The following NDUFAF2 variants were observed in gnomAD, a reference collection of about 807,000 sequenced individuals.
NDUFAF2 encodes NADH dehydrogenase [ubiquinone] 1 alpha subcomplex assembly factor 2.
NDUFAF2 carries 13 observed loss-of-function variants against 22.8 expected under a neutral mutation model. The ratio of observed to expected loss-of-function variants is 0.57; its 90% CI spans 0.37 to 0.91. NDUFAF2 has a LOEUF of 0.91. Ranked by LOEUF, NDUFAF2 falls within the 40% of genes least tolerant of loss-of-function variation. NDUFAF2 has a pLI of 0.01. For synonymous variants in NDUFAF2, 53 were observed against 64.2 expected, an observed-to-expected ratio of 0.83 and a Z score of 0.84; for missense variants, 162 against 195.2, an observed-to-expected ratio of 0.83 and a Z score of 1.01.
chr5:61,033,742 C>T (rs979882353), intron 1 of NDUFAF2, among the ~76,000 whole-genome samples: 2 of 151,650 alleles, frequency 1.3e-5, no homozygotes, highest in African/African-American at 4.8e-5. Context: ...TTTAGAAGTC[C>T]GAACAGGGAT....
At chr5:61,024,996 ACGTC>A (rs1321597943) in intron 1 of NDUFAF2, among the ~76,000 whole-genome samples, 5 of 151,892 alleles carry the variant, frequency 3.3e-5, no homozygotes, top group African/African-American at 7.2e-5. Flanking sequence ...TAACTCCTAT[ACGTC>A]CTTAGAAACT....
At chr5:61,032,165 A>G (rs573102396) in intron 1 of NDUFAF2, among the ~76,000 whole-genome samples, 2 of 152,052 alleles carry the variant, frequency 1.3e-5, no homozygotes, top group Non-Finnish European at 2.9e-5. Flanking sequence ...ATTTTCTCCC[A>G]TTCTGTAGGT....
chr5:61,090,514 A>C (rs890697785), intron 2 of NDUFAF2, among the ~76,000 whole-genome samples: 6 of 152,034 alleles, frequency 3.9e-5, no homozygotes, highest in African/African-American at 7.2e-5. Context: ...CTTTGCTGAC[A>C]CCTGTCCTAG....
chr5:61,010,397 C>T (rs866824730), intron 1 of NDUFAF2, among the ~76,000 whole-genome samples: 4 of 152,086 alleles, frequency 2.6e-5, no homozygotes, highest in South Asian at 2.1e-4. Context: ...TTCTTCAATT[C>T]GTTTTCTGTG....
intron 1 of NDUFAF2, among the ~76,000 whole-genome samples, chr5:60,987,009 A>G (rs1363895833): frequency 6.6e-6 from 1 of 151,890 alleles, no homozygotes; most frequent in Non-Finnish European, 1.5e-5. Flanking sequence ...GTTTTTTTGA[A>G]AGAATTAATA....
intron 1 of NDUFAF2, among the ~76,000 whole-genome samples, chr5:60,966,740 A>T (rs1223725886): frequency 6.6e-6 from 1 of 152,078 alleles, no homozygotes; most frequent in African/African-American, 2.4e-5. Context: ...TTGTTTAGCT[A>T]CTTTAGCCTT....
At chr5:61,059,513 G>A (rs1403855735) in intron 1 of NDUFAF2, among the ~76,000 whole-genome samples, 2 of 152,034 alleles carry the variant, frequency 1.3e-5, no homozygotes, top group Admixed American at 6.6e-5. Context: ...ATAGGAAATA[G>A]GTTACTTGGA....
chr5:61,120,518 T>A (rs1489776803), intron 3 of NDUFAF2, among the ~76,000 whole-genome samples: 2 of 152,164 alleles, frequency 1.3e-5, no homozygotes, highest in Admixed American at 1.3e-4. Flanking sequence ...GGTCTGAGTT[T>A]AAGCTTATTC....
At chr5:61,121,479 T>C (rs1449066217) in intron 3 of NDUFAF2, among the ~76,000 whole-genome samples, 2 of 151,998 alleles carry the variant, frequency 1.3e-5, no homozygotes, top group Admixed American at 1.3e-4. Context: ...TTACTGGGAG[T>C]ACTTATTGCT....
intron 3 of NDUFAF2, among the ~76,000 whole-genome samples, chr5:61,139,659 A>G (rs1379130933): frequency 6.6e-6 from 1 of 152,250 alleles, no homozygotes; most frequent in African/African-American, 2.4e-5. Flanking sequence ...GCCTAGGCTA[A>G]TAGGGGCGGG....
At chr5:60,955,338 T>C (rs1477305541) in intron 1 of NDUFAF2, among the ~76,000 whole-genome samples, 2 of 152,226 alleles carry the variant, frequency 1.3e-5, no homozygotes, top group Non-Finnish European at 2.9e-5. Context: ...TTTTCTTCAC[T>C]GTGTGTTCTT....
intron 3 of NDUFAF2, chr5:61,116,617 A>G (rs1752915663): frequency 1.3e-5 from 2 of 152,228 alleles, no homozygotes; most frequent in African/African-American, 4.8e-5. Flanking sequence ...TGACAGTTCT[A>G]GTCTAGAATT....
Position 61,124,419 on chromosome 5 carries a change from G to T in NDUFAF2, c.258+25387G>T, listed in dbSNP as rs1439329780. Among the ~76,000 whole-genome samples, 10 of 151,910 alleles carry T rather than the reference G, an allele frequency of 6.6e-5. No homozygotes were observed. The South Asian group carries it at 2.1e-3, about 32-fold the overall frequency. On this transcript the variant is annotated intron_variant, in intron 3 of 3. Coordinates refer to ENST00000296597, the MANE Select transcript of NDUFAF2 (RefSeq NM_174889.5). ...GATTTTTATTCAAATGTCAGATTAT[G>T]GAAAGATTTCTATTTTGGACATATT...
chr5:61,135,750 A>T (rs185120297), intron 3 of NDUFAF2, among the ~76,000 whole-genome samples: 1 of 152,028 alleles, frequency 6.6e-6, no homozygotes, highest in African/African-American at 2.4e-5. Context: ...ATGTTAGATG[A>T]TACCACCAAG....
chr5:60,984,340 C>A (rs1323619613), intron 1 of NDUFAF2, among the ~76,000 whole-genome samples: 8 of 152,078 alleles, frequency 5.3e-5, no homozygotes, highest in Admixed American at 3.3e-4. Flanking sequence ...ATGTCATCTG[C>A]AAACAGGGAC....
intron 1 of NDUFAF2, among the ~76,000 whole-genome samples, chr5:60,957,501 T>TTA (rs1406283509): frequency 1.0e-3 from 12 of 11,740 alleles, no homozygotes; most frequent in Admixed American, 9.6e-3. Flanking sequence ...TCTGTTTACT[T>TTA]TTTTTTTTTT....
intron 1 of NDUFAF2, among the ~76,000 whole-genome samples, chr5:61,019,234 T>G (rs1027746189): frequency 6.6e-6 from 1 of 152,144 alleles, no homozygotes; most frequent in East Asian, 1.9e-4. Context: ...GTTTCTTTAG[T>G]TGTATTATGG....
chr5:60,953,354 A>G (rs1361078949), intron 1 of NDUFAF2, among the ~76,000 whole-genome samples: 2 of 152,170 alleles, frequency 1.3e-5, no homozygotes, highest in African/African-American at 4.8e-5. Context: ...CTGCCAACCT[A>G]TAATTTTGTA....
intron 3 of NDUFAF2, among the ~76,000 whole-genome samples, chr5:61,107,046 T>TACACACAC (rs59521177): frequency 0.087 from 10,765 of 123,836 alleles, 601 homozygotes; most frequent in East Asian, 0.22. Flanking sequence ...TGGATAAATA[T>TACACACAC]ACACACACAC....
Sources: gnomAD v4.1 joint callset for allele counts (sites outside exome capture counted in the v4.1 genomes callset) on GRCh38, gnomAD v4.1.1 for gene constraint, MANE v1.5 for transcripts, NCBI Gene and HGNC (gene_info 2026-07-23, HGNC 2026-07-21) for gene names.